The following EDIL3 variants were observed in gnomAD, a reference collection of about 807,000 sequenced individuals.
EDIL3 encodes the protein EGF like and discoidin domains 3.
A neutral mutation model predicts 67.4 loss-of-function variants in EDIL3; 37 were observed. The ratio of observed to expected loss-of-function variants is 0.55; its 90% confidence interval spans 0.42 to 0.72. The LOEUF is 0.72. Ranked by LOEUF, EDIL3 falls within the 30% of genes least tolerant of loss-of-function variation. The probability of loss-of-function intolerance (pLI) is 0.00; values close to 1 mark genes in which losing one functional copy is unlikely to be tolerated. For missense variants in EDIL3, 527 were observed against 586.3 expected, an observed-to-expected ratio of 0.90 and a Z score of 1.04; for synonymous variants, 195 against 196.3, an observed-to-expected ratio of 0.99 and a Z score of 0.05.
intron 9 of EDIL3, among the ~76,000 whole-genome samples, chr5:83,970,139 G>A (rs1474108821): frequency 6.6e-6 from 1 of 151,374 alleles, no homozygotes; most frequent in African/African-American, 2.4e-5. Context: ...GAGAACACGT[G>A]TGCTTAACTT....
chr5:84,217,721 A>ACACACACACAC (rs1744257318), intron 3 of EDIL3, among the ~76,000 whole-genome samples: 4 of 134,932 alleles, frequency 3.0e-5, no homozygotes, highest in South Asian at 2.5e-4. Flanking sequence ...TATACACACA[A>ACACACACACAC]ACACACACAC....
At chr5:84,110,497 T>C (rs969942854) in intron 5 of EDIL3, among the ~76,000 whole-genome samples, 5 of 152,222 alleles carry the variant, frequency 3.3e-5, no homozygotes, top group Non-Finnish European at 7.3e-5. Context: ...GCTTTTACTA[T>C]CAACAAATGA....
chr5:84,185,118 A>G (rs1265429341), intron 3 of EDIL3, among the ~76,000 whole-genome samples: 1 of 152,164 alleles, frequency 6.6e-6, no homozygotes, highest in Non-Finnish European at 1.5e-5. Context: ...GAGGATAAGT[A>G]TCATATCCAT....
At chr5:84,217,211 G>C (rs1262358361) in intron 3 of EDIL3, among the ~76,000 whole-genome samples, 1 of 151,670 alleles carries the variant, frequency 6.6e-6, no homozygotes, top group African/African-American at 2.4e-5. Context: ...ATGCAGGGAG[G>C]ATTAGAAATT....
intron 9 of EDIL3, among the ~76,000 whole-genome samples, chr5:84,026,945 A>T (rs1332403964): frequency 1.3e-5 from 2 of 152,028 alleles, no homozygotes; most frequent in East Asian, 3.9e-4. Context: ...AATACAAAAA[A>T]TTAGCCAGGT....
chr5:84,228,675 T>C (rs993216675), intron 3 of EDIL3, among the ~76,000 whole-genome samples: 2 of 152,194 alleles, frequency 1.3e-5, no homozygotes, highest in African/African-American at 4.8e-5. Flanking sequence ...ATGACATTTA[T>C]ATATCCTTGG....
At chr5:84,229,946 G>T in intron 2 of EDIL3, 62 bp from the exon 3 acceptor site, 1 of 1,319,436 alleles carries the variant, frequency 7.6e-7, no homozygotes, top group Non-Finnish European at 1.1e-6. Context: ...GAGAAGGGGG[G>T]AGAGAGAAAG....
chr5:84,205,245 T>C (rs1246676713), intron 3 of EDIL3, among the ~76,000 whole-genome samples: 9 of 152,184 alleles, frequency 5.9e-5, no homozygotes, highest in African/African-American at 1.7e-4. Flanking sequence ...TAATAACATA[T>C]ATATATATAC....
At chr5:84,079,860 C>T (rs1746930768) in intron 6 of EDIL3, among the ~76,000 whole-genome samples, 1 of 152,064 alleles carries the variant, frequency 6.6e-6, no homozygotes, top group Admixed American at 6.5e-5. Context: ...CTCCCCTGTT[C>T]TTTCACATTA....
chr5:84,000,980 A>G (rs977023128), intron 9 of EDIL3, among the ~76,000 whole-genome samples: 4 of 152,190 alleles, frequency 2.6e-5, no homozygotes, highest in Admixed American at 6.5e-5. Flanking sequence ...GATACAGCAG[A>G]AGTGGTACTA....
At chr5:83,976,896 G>T (rs910233401) in intron 9 of EDIL3, among the ~76,000 whole-genome samples, 6 of 151,736 alleles carry the variant, frequency 4.0e-5, no homozygotes, top group African/African-American at 1.4e-4. Context: ...TATTACTAAG[G>T]TTCAACTAAA....
intron 1 of EDIL3, among the ~76,000 whole-genome samples, chr5:84,266,109 A>G (rs1025543869): frequency 1.3e-5 from 2 of 152,206 alleles, no homozygotes; most frequent in African/African-American, 4.8e-5. Flanking sequence ...TCTCTGGGCT[A>G]CCAAATAAAA....
intron 7 of EDIL3, among the ~76,000 whole-genome samples, chr5:84,065,384 C>G (rs1295308761): frequency 1.3e-5 from 2 of 152,128 alleles, no homozygotes; most frequent in Non-Finnish European, 2.9e-5. Context: ...CAGCTAAAAA[C>G]TATGTTTGCC....
intron 2 of EDIL3, among the ~76,000 whole-genome samples, chr5:84,237,366 G>A (rs935466080): frequency 1.7e-4 from 26 of 151,998 alleles, no homozygotes; most frequent in Non-Finnish European, 5.9e-5. Context: ...GTTAATGCTG[G>A]ACAAGACTTA....
At chr5:84,206,112 G>A (rs1180797101) in intron 3 of EDIL3, among the ~76,000 whole-genome samples, 1 of 150,676 alleles carries the variant, frequency 6.6e-6, no homozygotes, top group East Asian at 2.0e-4. Flanking sequence ...GGTATGTTGT[G>A]TCTTTGTTCT....
At position 84,346,136 on chromosome 5, in the gene EDIL3, T is replaced by TTC. The variant is rs1491434240; in HGVS notation, c.67+38171_67+38172insGA. Among the ~76,000 whole-genome samples, 172 of 46,546 alleles carry TTC rather than the reference T, an allele frequency of 3.7e-3. 1 individual carries two copies. The highest frequency in any genetic ancestry group is 0.011 in the African/African-American group (161 of 14,726). 30.5% of individuals were successfully genotyped at this position (46,546 alleles called of 152,430 possible). A position where few individuals can be genotyped will look rare whatever the true frequency, so the allele number is the denominator to read the frequency against. On this transcript the variant is annotated intron_variant, in intron 1 of 10. Transcript: ENST00000296591. Reference sequence around the variant, plus strand: ...CAGGAGTCATCAAACTTTTTTTTTCTTTTTTTTTTTTTTTTTTGAAATGGA... The same window carrying TTC: ...CAGGAGTCATCAAACTTTTTTTTTCTTCTTTTTTTTTTTTTTTTTGAAATGGA...
chr5:84,052,628 T>C (rs1431051151), intron 9 of EDIL3, among the ~76,000 whole-genome samples: 1 of 151,428 alleles, frequency 6.6e-6, no homozygotes, highest in Non-Finnish European at 1.5e-5. Flanking sequence ...ACCAAGCAAA[T>C]GGAAAACAAA....
intron 5 of EDIL3, among the ~76,000 whole-genome samples, chr5:84,130,017 G>GTTTATTCTTGAGGATTCTCAAAGGATCTA (rs1192261076): frequency 1.3e-5 from 2 of 152,058 alleles, no homozygotes; most frequent in Non-Finnish European, 2.9e-5. Context: ...CAAAGGATGT[G>GTTTATTCTTGAGGATTCTCAAAGGATCTA]TTTATTCTTG....
chr5:83,982,472 C>T (rs1341569612), intron 9 of EDIL3, among the ~76,000 whole-genome samples: 1 of 152,058 alleles, frequency 6.6e-6, no homozygotes, highest in Non-Finnish European at 1.5e-5. Flanking sequence ...CCTGAATACT[C>T]CTGTCTTTGT....
Sources: allele counts gnomAD v4.1 joint callset (sites outside exome capture counted in the v4.1 genomes callset), GRCh38; gene constraint gnomAD v4.1.1; transcripts MANE v1.5; gene names NCBI Gene and HGNC (gene_info 2026-07-23, HGNC 2026-07-21).